CD1B: variants seen among roughly 807,000 people sequenced by gnomAD.
The protein encoded by CD1B is T-cell surface glycoprotein CD1b.
CD1B carries 43 observed loss-of-function variants against 39.8 expected under a neutral mutation model. The observed-to-expected ratio is 1.08, with a 90% confidence interval of 0.85 to 1.39. The LOEUF (loss-of-function observed/expected upper bound fraction) is 1.39, where lower values mean the gene tolerates loss of function less well. CD1B is among the 40% of genes most tolerant of loss of function. The pLI, the probability that CD1B is intolerant of heterozygous loss-of-function variation, is 0.00. For synonymous variants in CD1B, 192 were observed against 152.5 expected, an observed-to-expected ratio of 1.26 and a Z score of -1.91; for missense variants, 495 against 403.8, an observed-to-expected ratio of 1.23 and a Z score of -1.94.
At chr1:158,308,694 G>C in the CD1B span, among the ~76,000 whole-genome samples, 12 of 152,286 alleles carry the variant, frequency 7.9e-5, no homozygotes, top group East Asian at 2.3e-3. Context: ...ATAACCATCT[G>C]ATCTTTGACA....
chr1:158,285,695 C>G, the CD1B span, among the ~76,000 whole-genome samples: 2 of 152,062 alleles, frequency 1.3e-5, no homozygotes, highest in African/African-American at 4.8e-5. Flanking sequence ...TGTCATTTTA[C>G]AGTGGGGAAT....
the CD1B span, among the ~76,000 whole-genome samples, chr1:158,290,698 T>A: frequency 1.1e-4 from 17 of 152,064 alleles, no homozygotes; most frequent in Non-Finnish European, 2.2e-4. Context: ...AATATAGATG[T>A]AGAGGGATAA....
chr1:158,291,938 C>A, the CD1B span: 72 of 778,838 alleles, frequency 9.2e-5, no homozygotes, highest in African/African-American at 1.2e-3. Context: ...ATTTTTCTCT[C>A]TTGTTTCTGA....
At chr1:158,295,689 C>A in the CD1B span, among the ~76,000 whole-genome samples, 1 of 152,056 alleles carries the variant, frequency 6.6e-6, no homozygotes, top group East Asian at 1.9e-4. Context: ...AGCCCCCCAC[C>A]CCATGTCTGC....
At chr1:158,313,492 T>A in the CD1B span, among the ~76,000 whole-genome samples, 1 of 152,076 alleles carries the variant, frequency 6.6e-6, no homozygotes, top group Admixed American at 6.6e-5. Flanking sequence ...TGTACTTTTT[T>A]TAGAGACAAG....
At chr1:158,301,012 C>A in the CD1B span, among the ~76,000 whole-genome samples, 9 of 151,980 alleles carry the variant, frequency 5.9e-5, no homozygotes, top group South Asian at 2.1e-4. Flanking sequence ...CCCACCTCAG[C>A]CTCCCAAATT....
the CD1B span, among the ~76,000 whole-genome samples, chr1:158,318,551 G>A: frequency 6.6e-6 from 1 of 152,038 alleles, no homozygotes; most frequent in African/African-American, 2.4e-5. Context: ...TTTAGCCTGT[G>A]TGTGTCTCTG....
At chr1:158,300,506 C>A in the CD1B span, among the ~76,000 whole-genome samples, 6 of 152,074 alleles carry the variant, frequency 3.9e-5, no homozygotes, top group Non-Finnish European at 5.9e-5. Context: ...CTGCTTGGTG[C>A]AGAGCTGAGT....
chr1:158,302,130 T>C, the CD1B span, among the ~76,000 whole-genome samples: 1 of 151,950 alleles, frequency 6.6e-6, no homozygotes, highest in South Asian at 2.1e-4. Context: ...GAAATCAAGA[T>C]CAAGAAGAGC....
chr1:158,318,744 G>A, the CD1B span, among the ~76,000 whole-genome samples: 358 of 152,218 alleles, frequency 2.4e-3, 4 homozygotes, highest in African/African-American at 7.9e-3. Context: ...AGTTGATGCA[G>A]TTTCTTCCTA....
chr1:158,290,197 T>C, the CD1B span: 31 of 1,328,268 alleles, frequency 2.3e-5, no homozygotes, highest in Non-Finnish European at 3.4e-5. Flanking sequence ...CCGAGATGGA[T>C]CAATAGAGAT....
At chr1:158,287,302 CAGAG>C in the CD1B span, among the ~76,000 whole-genome samples, 1 of 151,990 alleles carries the variant, frequency 6.6e-6, no homozygotes, top group African/African-American at 2.4e-5. Flanking sequence ...CACACACACA[CAGAG>C]ACAGAGAGCG....
the CD1B span, chr1:158,293,620 C>T: frequency 6.3e-7 from 1 of 1,580,936 alleles, no homozygotes; most frequent in African/African-American, 1.3e-5. Flanking sequence ...AAACCAAATT[C>T]TAATTTGGAA....
the CD1B span, among the ~76,000 whole-genome samples, chr1:158,286,791 A>T: frequency 6.6e-6 from 1 of 152,124 alleles, no homozygotes; most frequent in South Asian, 2.1e-4. Context: ...TGAGGGTGTT[A>T]CTTACTCTTC....
At chr1:158,301,862 T>A in the CD1B span, among the ~76,000 whole-genome samples, 71 of 152,320 alleles carry the variant, frequency 4.7e-4, no homozygotes, top group African/African-American at 1.6e-3. Context: ...TTCTCCTGGA[T>A]AACATCATGA....
chr1:158,330,194 A>C, intron 2 of CD1B, 64 bp from the exon 3 acceptor site: 1 of 1,464,134 alleles, frequency 6.8e-7, no homozygotes, highest in Non-Finnish European at 9.2e-7. Flanking sequence ...ATGAGAAAAG[A>C]ACCTAGGATT....
At chr1:158,328,323 A>G (rs1652436621) in intron 5 of CD1B, 66 bp from the exon 6 acceptor site, 1 of 1,310,084 alleles carries the variant, frequency 7.6e-7, no homozygotes, top group South Asian at 1.2e-5. Flanking sequence ...GCTCATAGTA[A>G]TATTATTCAT....
At chr1:158,286,524 C>A in the CD1B span, among the ~76,000 whole-genome samples, 4 of 152,292 alleles carry the variant, frequency 2.6e-5, no homozygotes, top group South Asian at 8.3e-4. Context: ...CTAAGGATCA[C>A]GTTTTCCATG....
chr1:158,325,439 CTAAA>C (rs560369115), downstream of CD1B, among the ~76,000 whole-genome samples: 20 of 151,976 alleles, frequency 1.3e-4, no homozygotes, highest in Admixed American at 1.3e-4. Flanking sequence ...TGCCAAAATA[CTAAA>C]TAAATAAATA....
Sources: gnomAD v4.1 joint callset for allele counts (sites outside exome capture counted in the v4.1 genomes callset) on GRCh38, gnomAD v4.1.1 for gene constraint, MANE v1.5 for transcripts, NCBI Gene and HGNC (gene_info 2026-07-23, HGNC 2026-07-21) for gene names.